ZNF507: variants seen among roughly 807,000 people sequenced by gnomAD.
The protein encoded by ZNF507 is zinc finger protein 507.
ZNF507 carries 29 observed loss-of-function variants against 80.0 expected under a neutral mutation model. The ratio of observed to expected loss-of-function variants is 0.36; its 90% CI spans 0.27 to 0.49. ZNF507 has a LOEUF of 0.49. ZNF507 is among the 20% of genes least tolerant of loss of function. The pLI, the probability that ZNF507 is intolerant of heterozygous loss-of-function variation, is 0.98. For missense variants in ZNF507, 1,081 were observed against 1,152.2 expected (o/e 0.94, Z 0.90); for synonymous variants, 462 against 422.5 (o/e 1.09, Z -1.15).
rs752642969 is a variant in ZNF507 at position 32,354,490 on chromosome 19, T to C, written c.1660T>C (p.Leu554=). The change falls in exon 3 of 7, where the codon TTA becomes CTA. Residue 554 remains leucine, a synonymous_variant. Coordinates refer to ENST00000355898, the MANE Select transcript of ZNF507 (RefSeq NM_001136156.2). The part of the protein sequence containing the change: ...MSPLKNSSDG[L]TSLNQSNSTL... ...GCCACTTAAAAACTCTTCAGATGGA[T>C]TAACTAGTCTTAACCAAAGCAACTC... The C allele has an allele frequency of 3.1e-6, 5 of 1,614,146 alleles. No individual in the cohort carries two copies.
chr19:32,348,520 A>C (rs944802425), intron 2 of ZNF507, among the ~76,000 whole-genome samples: 1 of 152,214 alleles, frequency 6.6e-6, no homozygotes, highest in Admixed American at 6.5e-5. Flanking sequence ...AGCAAATTAT[A>C]AGGAAATAAA....
intron 5 of ZNF507, among the ~76,000 whole-genome samples, chr19:32,364,925 C>A (rs972732081): frequency 6.6e-6 from 1 of 152,120 alleles, no homozygotes; most frequent in Non-Finnish European, 1.5e-5. Context: ...GTTTGCATTC[C>A]CACCAACCGT....
chr19:32,368,846 TC>T (rs1967433315), intron 5 of ZNF507, among the ~76,000 whole-genome samples: 1 of 152,230 alleles, frequency 6.6e-6, no homozygotes. Context: ...TTGCAAAATT[TC>T]TATTGAAATC....
At position 32,356,843 on chromosome 19, in the gene ZNF507, T is replaced by G. The variant is rs1967259661; in HGVS notation, c.2245+110T>G. On this transcript the variant is annotated intron_variant, in intron 4 of 6. Transcript: ENST00000355898. ...GGGCAAAAGCCTATATTCTCCTCCA[T>G]TTTTGTACCATGGATGTGAGTGAAT... is the stretch of plus-strand genomic sequence containing the variant. 3.8e-6 allele frequency: 3 copies of G among 791,432 alleles called. No homozygotes were observed. In the South Asian group the frequency reaches 4.3e-5, roughly 11 times the overall value. The allele number at this position is 791,432 out of a possible 1,614,324, so 49.0% of individuals were successfully genotyped here.
intron 5 of ZNF507, among the ~76,000 whole-genome samples, chr19:32,374,782 T>G (rs118044683): frequency 0.073 from 11,113 of 152,200 alleles, 544 homozygotes; most frequent in Middle Eastern, 0.12. Flanking sequence ...ACACTCGGCC[T>G]ATACCTCTTC....
chr19:32,362,560 A>G (rs1967343060), intron 5 of ZNF507, among the ~76,000 whole-genome samples: 1 of 152,212 alleles, frequency 6.6e-6, no homozygotes, highest in African/African-American at 2.4e-5. Flanking sequence ...AATACTTAGG[A>G]AAAAGGTTAG....
chr19:32,368,998 C>G (rs1431407545), intron 5 of ZNF507, among the ~76,000 whole-genome samples: 2 of 152,260 alleles, frequency 1.3e-5, no homozygotes, highest in East Asian at 3.9e-4. Context: ...GGTTTTAAAC[C>G]AACATCCTTA....
chr19:32,358,980 G>C (rs1479162383), intron 4 of ZNF507: 1 of 152,200 alleles, frequency 6.6e-6, no homozygotes, highest in Non-Finnish European at 1.5e-5. Context: ...ATTGGAAACA[G>C]TTGCTTGAAG....
intron 2 of ZNF507, among the ~76,000 whole-genome samples, chr19:32,348,969 G>A (rs1338140613): frequency 9.2e-5 from 14 of 152,172 alleles, no homozygotes; most frequent in Non-Finnish European, 4.4e-5. Flanking sequence ...GATAATTCAA[G>A]GAAGGTATAT....
rs1967232062 is a variant in ZNF507, at chr19:32,354,939, A to C, written c.2109A>C (p.Glu703Asp). The C allele has an allele frequency of 6.2e-7, 1 of 1,608,184 alleles. No individual in the cohort carries two copies. The highest frequency in any genetic ancestry group is 1.3e-5 in the African/African-American group (1 of 74,944). ...KTRIYQCKQC[E>D]ESFHYKSQLR... ...GAATATACCAGTGCAAGCAGTGTGAAGAATCCTTCCATTATAAGGTAAGCA... is the reference window on the plus strand; with the variant it reads ...GAATATACCAGTGCAAGCAGTGTGACGAATCCTTCCATTATAAGGTAAGCA... The change falls in exon 3 of 7, where the codon GAA becomes GAC. Residue 703 changes from glutamate to aspartate, a missense_variant. Glu to Asp is a conservative substitution (Grantham distance 45). This residue lies in a region of ZNF507 where 614 missense variants were observed against 583.9 expected (regional missense o/e 1.05). Transcript: ENST00000355898.
chr19:32,352,813 A>T lies in ZNF507; in HGVS notation c.-2-16A>T. 6.5e-7 allele frequency: 1 copy of T among 1,546,554 alleles called. No homozygotes were observed. Among genetic ancestry groups the T allele is most frequent in the Admixed American group, 2.2e-5 (1 of 46,274 alleles). The stretch of plus-strand genomic sequence containing the variant: ...CTGTAACCTGGTATTTTTCTGTTTT[A>T]CATTATCCTTTTTAGATATGGAAGA... On this transcript the variant is annotated splice_polypyrimidine_tract_variant and intron_variant, in intron 2 of 6. Coordinates refer to ENST00000355898, the MANE Select transcript of ZNF507 (RefSeq NM_001136156.2).
intron 5 of ZNF507, chr19:32,382,250 A>G: frequency 2.3e-6 from 1 of 442,130 alleles, no homozygotes; most frequent in Non-Finnish European, 3.9e-6. Context: ...TCTTTATAAT[A>G]TAAAAGACCT....
intron 2 of ZNF507, among the ~76,000 whole-genome samples, chr19:32,349,113 C>A (rs1438795735): frequency 6.6e-6 from 1 of 152,154 alleles, no homozygotes; most frequent in Non-Finnish European, 1.5e-5. Context: ...GAGCAGCCTA[C>A]CTGGAAAGAA....
Position 32,353,484 on chromosome 19 carries a change from G to A in ZNF507, c.654G>A (p.Val218=). The stretch of plus-strand genomic sequence containing the variant: ...CCATTCCAGATATCCCAGTAAGTGT[G>A]GACAATCTACAGACTCATACTGTCC... ...NETIPDIPVS[V]DNLQTHTVQT... Residue 218 remains valine, a synonymous_variant, in exon 3 of 7, where the codon GTG becomes GTA. Transcript: ENST00000355898. 1.2e-6 allele frequency: 2 copies of A among 1,614,162 alleles called. No individual in the cohort carries two copies. The highest frequency in any genetic ancestry group is 1.7e-6 in the Non-Finnish European group (2 of 1,180,038).
In ZNF507 at chr19:32,383,644, AC is replaced by A. The variant is rs1437530954; in HGVS notation, c.*562del. The stretch of plus-strand genomic sequence containing the variant: ...ACCTAAATTGATAGAAATTAATCAT[AC>A]TCAATCTAGGACATGTTCCTTTACT... On this transcript the variant is annotated 3_prime_UTR_variant, in exon 7 of 7. Coordinates refer to ENST00000355898, the MANE Select transcript of ZNF507 (RefSeq NM_001136156.2). 1 of 152,716 alleles carries A rather than the reference AC, an allele frequency of 6.5e-6. No individual in the cohort carries two copies. The highest frequency in any genetic ancestry group is 2.4e-5 in the African/African-American group (1 of 41,570). 9.5% of individuals were successfully genotyped at this position (152,716 alleles called of 1,614,324 possible). A position where few individuals can be genotyped will look rare whatever the true frequency, so the allele number is the denominator to read the frequency against.
At position 32,354,551 on chromosome 19, in the gene ZNF507, T is replaced by C; in HGVS notation, c.1721T>C (p.Leu574Ser). 1 of 1,614,094 alleles carries C rather than the reference T, an allele frequency of 6.2e-7. No individual in the cohort carries two copies. The highest frequency in any genetic ancestry group is 8.5e-7 in the Non-Finnish European group (1 of 1,180,020). ...GCACTCCCAGAGGGTAGGCAGGAAT[T>C]GTCAGATGGGCAGGTTAAGACAGGC... ...LVALPEGRQELSDGQVKTGIS... is the reference protein window; with the variant it reads ...LVALPEGRQESSDGQVKTGIS... The change falls in exon 3 of 7, where the codon TTG (leucine) becomes TCG (serine). Residue 574 changes from leucine to serine, a missense_variant. Transcript: ENST00000355898.
At chr19:32,365,878 C>T (rs1205316949) in intron 5 of ZNF507, among the ~76,000 whole-genome samples, 1 of 152,124 alleles carries the variant, frequency 6.6e-6, no homozygotes, top group African/African-American at 2.4e-5. Context: ...AGTAGGTGCT[C>T]GGTAAATGTT....
intron 4 of ZNF507, chr19:32,357,932 A>G (rs1967273433): frequency 1.3e-5 from 2 of 152,228 alleles, no homozygotes; most frequent in Non-Finnish European, 2.9e-5. Context: ...AAACATTTCA[A>G]ACTGTCCAAA....
chr19:32,362,057 C>T (rs1328974535), intron 5 of ZNF507, among the ~76,000 whole-genome samples: 1 of 151,964 alleles, frequency 6.6e-6, no homozygotes, highest in South Asian at 2.1e-4. Flanking sequence ...TAGCTGGGAC[C>T]ACAGGCATGT....
Sources: gnomAD v4.1 joint callset for allele counts (sites outside exome capture counted in the v4.1 genomes callset) on GRCh38, gnomAD v4.1.1 for gene constraint, gnomAD v4.1.1 regional missense constraint, MANE v1.5 for transcripts, NCBI Gene and HGNC (gene_info 2026-07-23, HGNC 2026-07-21) for gene names.